Variants in MAGI2 observed in about 807,000 individuals in gnomAD.
MAGI2 encodes membrane-associated guanylate kinase, WW and PDZ domain-containing protein 2.
A neutral mutation model predicts 133.3 loss-of-function variants in MAGI2; 35 were observed. The ratio of observed to expected loss-of-function variants is 0.26; its 90% CI spans 0.20 to 0.35. The LOEUF (loss-of-function observed/expected upper bound fraction) is 0.35. Ranked by LOEUF, MAGI2 falls within the 10% of genes least tolerant of loss-of-function variation. The pLI, the probability that MAGI2 is intolerant of heterozygous loss-of-function variation, is 1.00. For synonymous variants in MAGI2, 729 were observed against 710.6 expected, an observed-to-expected ratio of 1.03 and a Z score of -0.41; for missense variants, 1,636 against 1,863.4, an observed-to-expected ratio of 0.88 and a Z score of 2.25.
At chr7:78,730,312 C>G (rs1265234039) in intron 2 of MAGI2, among the ~76,000 whole-genome samples, 1 of 150,166 alleles carries the variant, frequency 6.7e-6, no homozygotes, top group Non-Finnish European at 1.5e-5. Flanking sequence ...TGACTCAAAA[C>G]AAGTTAATAA....
At chr7:78,294,136 TATTTC>T (rs1796999427) in intron 9 of MAGI2, among the ~76,000 whole-genome samples, 2 of 152,170 alleles carry the variant, frequency 1.3e-5, no homozygotes, top group African/African-American at 4.8e-5. Flanking sequence ...GCTTTGTAAA[TATTTC>T]AATATCATTT....
intron 2 of MAGI2, among the ~76,000 whole-genome samples, chr7:78,819,706 C>G (rs189371054): frequency 1.3e-5 from 2 of 152,018 alleles, no homozygotes; most frequent in Non-Finnish European, 2.9e-5. Context: ...CATAAATGAT[C>G]TAGGACATAC....
intron 2 of MAGI2, among the ~76,000 whole-genome samples, chr7:78,830,399 G>A (rs1235092658): frequency 1.3e-5 from 2 of 152,058 alleles, no homozygotes; most frequent in Admixed American, 6.6e-5. Flanking sequence ...TGCCAGTCAT[G>A]ATTCATTATG....
intron 2 of MAGI2, among the ~76,000 whole-genome samples, chr7:78,906,468 C>G (rs1013634337): frequency 2.0e-5 from 3 of 152,140 alleles, no homozygotes; most frequent in African/African-American, 7.2e-5. Flanking sequence ...GTTTTTATCA[C>G]CATAGAGTAA....
chr7:78,852,682 T>C (rs1793245939), intron 2 of MAGI2, among the ~76,000 whole-genome samples: 1 of 152,060 alleles, frequency 6.6e-6, no homozygotes, highest in Non-Finnish European at 1.5e-5. Context: ...CACTTACATA[T>C]ATGCATGATA....
At chr7:79,184,813 C>A (rs1585144290) in intron 1 of MAGI2, among the ~76,000 whole-genome samples, 1 of 151,570 alleles carries the variant, frequency 6.6e-6, no homozygotes, top group Admixed American at 6.6e-5. Flanking sequence ...TAACTTTTTT[C>A]TTTTCTTTTG....
chr7:78,812,515 C>A (rs1312559592), intron 2 of MAGI2, among the ~76,000 whole-genome samples: 5 of 151,848 alleles, frequency 3.3e-5, no homozygotes, highest in Admixed American at 3.3e-4. Flanking sequence ...AATATGGTAG[C>A]ATGTGATTAT....
chr7:78,294,098 T>C (rs1796994196), intron 9 of MAGI2, among the ~76,000 whole-genome samples: 2 of 152,080 alleles, frequency 1.3e-5, no homozygotes, highest in Admixed American at 1.3e-4. Flanking sequence ...ATATAATTCT[T>C]TAGGAAATAC....
intron 1 of MAGI2, among the ~76,000 whole-genome samples, chr7:79,224,332 C>T (rs1585247043): frequency 1.3e-5 from 2 of 152,008 alleles, no homozygotes; most frequent in Non-Finnish European, 2.9e-5. Flanking sequence ...AAGTATTGAG[C>T]AATCTGGTCT....
intron 2 of MAGI2, among the ~76,000 whole-genome samples, chr7:78,726,414 T>A (rs1476482901): frequency 1.3e-5 from 2 of 152,216 alleles, no homozygotes; most frequent in African/African-American, 4.8e-5. Flanking sequence ...CTGAATAAAC[T>A]GGAAGAGGTT....
At chr7:79,107,768 G>A (rs1283767147) in intron 1 of MAGI2, among the ~76,000 whole-genome samples, 2 of 152,100 alleles carry the variant, frequency 1.3e-5, no homozygotes, top group African/African-American at 4.8e-5. Context: ...AAAGTCTAAT[G>A]TCATTGGTCA....
At chr7:79,353,188 T>A (rs1841799082) in intron 1 of MAGI2, among the ~76,000 whole-genome samples, 1 of 152,070 alleles carries the variant, frequency 6.6e-6, no homozygotes, top group South Asian at 2.1e-4. Context: ...TTCTACCAAC[T>A]GCCCCCCAGC....
chr7:78,963,787 G>A (rs1803069541), intron 2 of MAGI2, among the ~76,000 whole-genome samples: 2 of 151,922 alleles, frequency 1.3e-5, no homozygotes, highest in Admixed American at 1.3e-4. Flanking sequence ...AAGAACAATA[G>A]ATTAAAACTA....
intron 1 of MAGI2, among the ~76,000 whole-genome samples, chr7:79,426,376 ACTT>A (rs1847372863): frequency 1.3e-5 from 2 of 152,050 alleles, no homozygotes; most frequent in African/African-American, 4.8e-5. Flanking sequence ...TCATCAAAGA[ACTT>A]CTCAGATCTG....
chr7:78,022,161 G>C (rs147838030), intron 21 of MAGI2, among the ~76,000 whole-genome samples: 141 of 152,294 alleles, frequency 9.3e-4, no homozygotes, highest in African/African-American at 3.2e-3. Flanking sequence ...TTCTACTTTT[G>C]GGTGGGTTAG....
chr7:78,292,844 T>C (rs1358577788), intron 9 of MAGI2, among the ~76,000 whole-genome samples: 1 of 152,348 alleles, frequency 6.6e-6, no homozygotes, highest in East Asian at 1.9e-4. Context: ...AAGGATTCCC[T>C]ATTTAATAAA....
At chr7:78,565,474 TAAA>T (rs59788873) in intron 3 of MAGI2, among the ~76,000 whole-genome samples, 2 of 129,216 alleles carry the variant, frequency 1.5e-5, no homozygotes, top group African/African-American at 2.8e-5. Flanking sequence ...TCTAAAACGC[TAAA>T]AAAAAAAAAA....
In MAGI2 at chr7:79,136,117, GAAAGAAAGAAA is replaced by G. The variant is rs1821539284; in HGVS notation, c.302-128922_302-128912del. 2.0e-5 allele frequency among the ~76,000 whole-genome samples: 3 copies of G among 148,750 alleles called. No individual in the cohort carries two copies. In the Admixed American group the frequency reaches 2.0e-4, roughly 10 times the overall value. On this transcript the variant is annotated intron_variant, in intron 1 of 21. Coordinates refer to ENST00000354212, the MANE Select transcript of MAGI2 (RefSeq NM_012301.4). ...AGAAAGAAAGAAAGAAAGAAAGAAA[GAAAGAAAGAAA>G]GACACAAAAGGCACTGTATACAGTC...
chr7:78,752,492 A>C (rs552075184), intron 2 of MAGI2, among the ~76,000 whole-genome samples: 3 of 152,264 alleles, frequency 2.0e-5, no homozygotes, highest in Middle Eastern at 3.4e-3. Context: ...AATCCCAGCT[A>C]CTTGGGAGGC....
Sources: allele counts gnomAD v4.1 joint callset (sites outside exome capture counted in the v4.1 genomes callset), GRCh38; gene constraint gnomAD v4.1.1; transcripts MANE v1.5; gene names NCBI Gene and HGNC (gene_info 2026-07-23, HGNC 2026-07-21).